NAA15: variants seen among roughly 807,000 people sequenced by gnomAD.
The protein encoded by NAA15 is N-terminal acetyltransferase.
NAA15 carries 34 observed loss-of-function variants against 114.0 expected under a neutral mutation model. The ratio of observed to expected loss-of-function variants is 0.30; its 90% CI spans 0.23 to 0.40. The LOEUF (loss-of-function observed/expected upper bound fraction) is 0.40, where lower values mean the gene tolerates loss of function less well. Ranked by LOEUF, NAA15 falls within the 10% of genes least tolerant of loss-of-function variation. The pLI is 1.00. For synonymous variants in NAA15, 340 were observed against 338.0 expected (o/e 1.01, Z -0.06); for missense variants, 658 against 1,004.5 (o/e 0.66, Z 4.66).
chr4:139,332,446 A>G lies in NAA15; in HGVS notation c.55-1728A>G, dbSNP rs540270889. 2.0e-5 allele frequency among the ~76,000 whole-genome samples: 3 copies of G among 152,016 alleles called. No individual in the cohort carries two copies. The South Asian group carries it at 6.2e-4, about 32-fold the overall frequency. ...GCCTGGCCCTCGATAGTGCCTTTTAAAAAATTTATCCTAATTTCTTTTAAT... is the reference window on the plus strand; with the variant it reads ...GCCTGGCCCTCGATAGTGCCTTTTAGAAAATTTATCCTAATTTCTTTTAAT... On this transcript the variant is annotated intron_variant, in intron 1 of 19. Coordinates refer to ENST00000296543, the MANE Select transcript of NAA15 (RefSeq NM_057175.5).
At chr4:139,376,114 G>A (rs1748574147) in intron 15 of NAA15, among the ~76,000 whole-genome samples, 1 of 151,888 alleles carries the variant, frequency 6.6e-6, no homozygotes, top group Admixed American at 6.6e-5. Context: ...CTCTGGTTCT[G>A]TTTTATCTAC....
At chr4:139,315,666 G>C (rs976643627) in intron 1 of NAA15, among the ~76,000 whole-genome samples, 1 of 151,864 alleles carries the variant, frequency 6.6e-6, no homozygotes, top group Non-Finnish European at 1.5e-5. Context: ...ATTAGTACTT[G>C]CTCTTTTGTA....
chr4:139,362,036 C>G (rs1748148267), intron 14 of NAA15, 99 bp downstream of exon 14: 4 of 724,378 alleles, frequency 5.5e-6, no homozygotes, highest in Non-Finnish European at 8.6e-6. Context: ...TCTTGAGCAC[C>G]ACGAGGAAAG....
chr4:139,348,191 C>T (rs964125995), intron 6 of NAA15, among the ~76,000 whole-genome samples: 2 of 152,046 alleles, frequency 1.3e-5, no homozygotes, highest in African/African-American at 4.8e-5. Context: ...CGGTGACTCA[C>T]GACTATAATC....
At chr4:139,313,393 AG>A (rs1746282150) in intron 1 of NAA15, among the ~76,000 whole-genome samples, 1 of 151,972 alleles carries the variant, frequency 6.6e-6, no homozygotes, top group East Asian at 1.9e-4. Context: ...GGGAACATTA[AG>A]CAAAGCAGTA....
chr4:139,359,084 G>C (rs1211194651), intron 11 of NAA15, among the ~76,000 whole-genome samples: 1 of 151,140 alleles, frequency 6.6e-6, no homozygotes, highest in Non-Finnish European at 1.5e-5. Flanking sequence ...TAGTCTGGGT[G>C]ACAGAGTGAG....
At chr4:139,367,517 T>C (rs774719555) in intron 14 of NAA15, among the ~76,000 whole-genome samples, 2 of 152,200 alleles carry the variant, frequency 1.3e-5, no homozygotes, top group African/African-American at 4.8e-5. Context: ...GTGAGTCTTA[T>C]TGGAATCCAC....
chr4:139,328,379 G>A (rs1290920382), intron 1 of NAA15, among the ~76,000 whole-genome samples: 1 of 151,196 alleles, frequency 6.6e-6, no homozygotes, highest in Non-Finnish European at 1.5e-5. Context: ...GCTAACTTTT[G>A]TATTTTCAGT....
Position 139,378,858 on chromosome 4 carries a change from T to G in NAA15, c.2155+4T>G, listed in dbSNP as rs773099008. 1 of 1,532,190 alleles carries G rather than the reference T, an allele frequency of 6.5e-7. No homozygotes were observed. Among genetic ancestry groups the G allele is most frequent in the Admixed American group, 2.2e-5 (1 of 44,830 alleles). 94.9% of individuals were successfully genotyped at this position (1,532,190 alleles called of 1,614,324 possible). On this transcript the variant is annotated splice_donor_region_variant and intron_variant, in intron 17 of 19. Coordinates refer to ENST00000296543, the MANE Select transcript of NAA15 (RefSeq NM_057175.5). ...ATGATTCGTCTCTTTAATACTGGTA[T>G]GTTTTTGTTTTCCATTACTTAAGTA...
intron 1 of NAA15, among the ~76,000 whole-genome samples, chr4:139,333,624 C>T (rs1032033953): frequency 1.3e-5 from 2 of 152,132 alleles, no homozygotes; most frequent in Non-Finnish European, 2.9e-5. Context: ...TGCCTGTTAT[C>T]CCAGCCCCTG....
At chr4:139,370,178 T>C in intron 14 of NAA15, 33 bp from the exon 15 acceptor site, 1 of 1,424,740 alleles carries the variant, frequency 7.0e-7, no homozygotes, top group Non-Finnish European at 9.3e-7. Flanking sequence ...TTAACATGCT[T>C]GTTAATTTTA....
chr4:139,333,384 C>CT (rs964220422), intron 1 of NAA15, among the ~76,000 whole-genome samples: 7 of 151,984 alleles, frequency 4.6e-5, no homozygotes, highest in African/African-American at 1.7e-4. Flanking sequence ...GATTATAGAT[C>CT]TTTTTTATGT....
intron 2 of NAA15, among the ~76,000 whole-genome samples, chr4:139,334,885 G>C (rs923364953): frequency 3.9e-5 from 6 of 152,138 alleles, no homozygotes; most frequent in Non-Finnish European, 7.4e-5. Flanking sequence ...AGAAGGGGGA[G>C]AGTAGTAATT....
At chr4:139,326,741 A>T (rs893752579) in intron 1 of NAA15, among the ~76,000 whole-genome samples, 1 of 152,200 alleles carries the variant, frequency 6.6e-6, no homozygotes, top group Non-Finnish European at 1.5e-5. Context: ...CTTTTATATC[A>T]TATTTACTGT....
At chr4:139,352,823 A>G (rs1230598876) in intron 9 of NAA15, among the ~76,000 whole-genome samples, 1 of 151,874 alleles carries the variant, frequency 6.6e-6, no homozygotes, top group Non-Finnish European at 1.5e-5. Context: ...ACGTGCCACC[A>G]TACCAGGCTA....
rs1214465543 is a variant in NAA15, at chr4:139,357,452, A to G, written c.1154A>G (p.Asp385Gly). 6.2e-7 allele frequency: 1 copy of G among 1,613,822 alleles called. No homozygotes were observed. The highest frequency in any genetic ancestry group is 1.3e-5 in the African/African-American group (1 of 74,926). ...WVQYYLAQHYDKIGQPSIALE... is the reference protein window; with the variant it reads ...WVQYYLAQHYGKIGQPSIALE... Reference sequence around the variant, plus strand: ...CAGTACTACTTGGCACAACATTATGACAAAATTGGTCAGCCATCTATTGCT... The same window carrying G: ...CAGTACTACTTGGCACAACATTATGGCAAAATTGGTCAGCCATCTATTGCT... Residue 385 changes from aspartate to glycine, a missense_variant, in exon 11 of 20, where the codon GAC (aspartate) becomes GGC (glycine). Asp to Gly is a moderately conservative substitution (Grantham distance 94). Transcript: ENST00000296543.
intron 1 of NAA15, among the ~76,000 whole-genome samples, chr4:139,333,742 A>AGGC (rs1230928416): frequency 6.6e-6 from 1 of 152,120 alleles, no homozygotes; most frequent in Non-Finnish European, 1.5e-5. Flanking sequence ...TCTACAAAAA[A>AGGC]TAAAAATATT....
rs764023698 is a variant in NAA15 at position 139,388,060 on chromosome 4, T to C, written c.2577T>C (p.Ala859=). Residue 859 remains alanine (A), a synonymous_variant, in exon 20 of 20, where the codon GCT becomes GCC. Coordinates refer to ENST00000296543, the MANE Select transcript of NAA15 (RefSeq NM_057175.5). ...TTAATGGAGATAGTTCTGCAGAAGCTGAAGAACTGGCCAATGAAATTTGAA... is the reference window on the plus strand; with the variant it reads ...TTAATGGAGATAGTTCTGCAGAAGCCGAAGAACTGGCCAATGAAATTTGAA... ...ITVNGDSSAE[A]EELANEI The C allele has an allele frequency of 3.1e-6, 5 of 1,613,638 alleles. No individual in the cohort carries two copies. The highest frequency in any genetic ancestry group is 4.2e-6 in the Non-Finnish European group (5 of 1,179,830).
intron 14 of NAA15, among the ~76,000 whole-genome samples, chr4:139,362,691 A>T (rs1748169313): frequency 6.6e-6 from 1 of 152,238 alleles, no homozygotes; most frequent in South Asian, 2.1e-4. Flanking sequence ...GGAAAATTGC[A>T]CAGTGACTTA....
Sources: allele counts gnomAD v4.1 joint callset (sites outside exome capture counted in the v4.1 genomes callset), GRCh38; gene constraint gnomAD v4.1.1; transcripts MANE v1.5; gene names NCBI Gene and HGNC (gene_info 2026-07-23, HGNC 2026-07-21).